Variants in CFAP47 observed in about 807,000 individuals in gnomAD.
CFAP47 encodes the protein cilia and flagella associated protein 47.
A neutral mutation model predicts 148.1 loss-of-function variants in CFAP47; 29 were observed. The observed-to-expected ratio is 0.20, with a 90% CI of 0.15 to 0.27. The LOEUF (loss-of-function observed/expected upper bound fraction) is 0.27, where lower values mean the gene tolerates loss of function less well. Ranked by LOEUF, CFAP47 falls within the 10% of genes least tolerant of loss-of-function variation. The pLI is 1.00. For missense variants in CFAP47, 1,872 were observed against 1,697.5 expected (o/e 1.10, Z -1.81); for synonymous variants, 664 against 577.3 (o/e 1.15, Z -2.15).
Position 35,929,386 on chromosome X carries a change from A to G in CFAP47, c.401+3218A>G, listed in dbSNP as rs770239728. 2.2e-4 allele frequency among the ~76,000 whole-genome samples: 25 copies of G among 112,198 alleles called. No homozygotes were observed. In the South Asian group the frequency reaches 8.9e-3, roughly 40 times the overall value. ...ATTCTCTACATGTGTTGTTAAGTGTATAACTATTTCATTTTCTTTGGAGTG... is the reference window on the plus strand; with the variant it reads ...ATTCTCTACATGTGTTGTTAAGTGTGTAACTATTTCATTTTCTTTGGAGTG... On this transcript the variant is annotated intron_variant, in intron 2 of 63. Transcript: ENST00000378653.
At chrX:36,316,074 C>G (rs1941431207) in intron 56 of CFAP47, among the ~76,000 whole-genome samples, 1 of 112,172 alleles carries the variant, frequency 8.9e-6, no homozygotes, top group African/African-American at 3.2e-5. Context: ...CCCAACTCTG[C>G]AAAGCCAGGT....
chrX:36,246,774 T>C (rs1213847250), intron 48 of CFAP47, among the ~76,000 whole-genome samples: 1 of 111,495 alleles, frequency 9.0e-6, no homozygotes, highest in East Asian at 2.8e-4. Flanking sequence ...AGTCAAATAA[T>C]AACAGATGTT....
intron 33 of CFAP47, among the ~76,000 whole-genome samples, chrX:36,123,600 C>A (rs1227734263): frequency 9.0e-6 from 1 of 111,199 alleles, no homozygotes; most frequent in Non-Finnish European, 1.9e-5. Flanking sequence ...ACTGCCAGAC[C>A]ACTGATGTTT....
rs1426372033 is a variant in CFAP47 at position 36,200,505 on chromosome X, A to C, written c.6436+12A>C. 3.4e-6 allele frequency: 1 copy of C among 294,029 alleles called. No individual in the cohort carries two copies. Among genetic ancestry groups the C allele is most frequent in the Non-Finnish European group, 5.9e-6 (1 of 168,807 alleles). The allele number at this position is 294,029 out of a possible 1,213,427, so 24.2% of individuals were successfully genotyped here. On this transcript the variant is annotated intron_variant, in intron 43 of 63. Transcript: ENST00000378653. ...TACTCGAGAAGAAGGTAGAGTACAC[A>C]TGTGTTTTATTTCATTTATAATGTT...
rs771939978 is a variant in CFAP47, at chrX:36,022,369, C to T, written c.3556+7457C>T. On this transcript the variant is annotated intron_variant, in intron 22 of 63. Transcript: ENST00000378653. Reference sequence around the variant, plus strand: ...TAGACATGTTGGAGCTCCTATGTATCTTATTTGTTTCTTCTCTTTTGTCTG... The same window carrying T: ...TAGACATGTTGGAGCTCCTATGTATTTTATTTGTTTCTTCTCTTTTGTCTG... Among the ~76,000 whole-genome samples, 11 of 111,574 alleles carry T rather than the reference C, an allele frequency of 9.9e-5. No individual in the cohort carries two copies. In the South Asian group the frequency reaches 4.1e-3, roughly 42 times the overall value.
rs754790663 is a variant in CFAP47, at chrX:36,174,051, G to C, written c.6027-5294G>C. 4.6e-5 allele frequency among the ~76,000 whole-genome samples: 5 copies of C among 108,881 alleles called. No individual in the cohort carries two copies. The South Asian group carries it at 2.1e-3, about 46-fold the overall frequency. The allele number at this position is 108,881 out of a possible 115,157, so 94.6% of individuals were successfully genotyped here. A position where few individuals can be genotyped will look rare whatever the true frequency, so the allele number is the denominator to read the frequency against. On this transcript the variant is annotated intron_variant, in intron 39 of 63. Transcript: ENST00000378653. ...GTTGAATTGATCCCTTTACCATTAT[G>C]TAATGGCCTTCTTTGTCTCTTTTGA... is the stretch of plus-strand genomic sequence containing the variant.
At chrX:36,155,981 A>T (rs1939362069) in intron 37 of CFAP47, among the ~76,000 whole-genome samples, 1 of 111,566 alleles carries the variant, frequency 9.0e-6, no homozygotes, top group African/African-American at 3.2e-5. Context: ...AAACTGAAAA[A>T]GAAGTGCCTG....
chrX:36,299,483 T>C (rs1832304830), intron 52 of CFAP47, among the ~76,000 whole-genome samples: 1 of 112,026 alleles, frequency 8.9e-6, no homozygotes, highest in Non-Finnish European at 1.9e-5. Flanking sequence ...AAACTTTCAA[T>C]TTTCTTGAGG....
At chrX:36,083,814 A>G (rs1289133868) in intron 29 of CFAP47, among the ~76,000 whole-genome samples, 2 of 111,399 alleles carry the variant, frequency 1.8e-5, no homozygotes, top group East Asian at 5.6e-4. Flanking sequence ...TAGTTAAACT[A>G]TATATAGGCA....
At chrX:36,128,110 G>T (rs750701933) in intron 33 of CFAP47, among the ~76,000 whole-genome samples, 1 of 110,710 alleles carries the variant, frequency 9.0e-6, no homozygotes, top group African/African-American at 3.3e-5. Context: ...GATTTCCCTG[G>T]CCAGAACTTC....
At chrX:36,090,866 T>C (rs1938172451) in intron 30 of CFAP47, among the ~76,000 whole-genome samples, 1 of 111,920 alleles carries the variant, frequency 8.9e-6, no homozygotes, top group African/African-American at 3.2e-5. Flanking sequence ...TAGGATTTTT[T>C]AAGAAACAAA....
At chrX:35,953,136 A>G (rs1322881863) in intron 6 of CFAP47, among the ~76,000 whole-genome samples, 1 of 112,184 alleles carries the variant, frequency 8.9e-6, no homozygotes. Flanking sequence ...TCTCCAAATT[A>G]CTTGTCCACA....
At chrX:36,346,119 C>A (rs1205298648) in intron 57 of CFAP47, among the ~76,000 whole-genome samples, 1 of 111,874 alleles carries the variant, frequency 8.9e-6, no homozygotes, top group African/African-American at 3.2e-5. Flanking sequence ...GAAACCCTCA[C>A]TGATACAAAT....
At chrX:36,007,234 C>A (rs1338304725) in intron 21 of CFAP47, among the ~76,000 whole-genome samples, 2 of 112,029 alleles carry the variant, frequency 1.8e-5, no homozygotes, top group East Asian at 5.6e-4. Flanking sequence ...ATATGCAGAA[C>A]CTTGGGTAAA....
intron 37 of CFAP47, among the ~76,000 whole-genome samples, chrX:36,155,711 G>T (rs182585944): frequency 9.0e-6 from 1 of 110,894 alleles, no homozygotes; most frequent in Non-Finnish European, 1.9e-5. Flanking sequence ...TGAAAAATGT[G>T]GATAAGGCTA....
rs186993435 is a variant in CFAP47, at chrX:36,196,402, G to A, written c.6322-3977G>A. Among the ~76,000 whole-genome samples the A allele has an allele frequency of 5.0e-3, 555 of 110,938 alleles. 1 individual carries two copies. Among genetic ancestry groups the A allele is most frequent in the African/African-American group, 0.017 (526 of 30,622 alleles). On this transcript the variant is annotated intron_variant, in intron 42 of 63. Coordinates refer to ENST00000378653, the MANE Select transcript of CFAP47 (RefSeq NM_001304548.2). ...ATAAATCACAAAACGGGAAAGATCC[G>A]AACCCAAAATAAGAGAATAAATACG...
intron 39 of CFAP47, among the ~76,000 whole-genome samples, chrX:36,177,256 A>G (rs1939695644): frequency 8.9e-6 from 1 of 112,285 alleles, no homozygotes; most frequent in East Asian, 2.8e-4. Flanking sequence ...TTGTCTCAAA[A>G]TGGTGTATGT....
intron 45 of CFAP47, among the ~76,000 whole-genome samples, chrX:36,218,636 G>A (rs1246619329): frequency 9.0e-6 from 1 of 111,694 alleles, no homozygotes; most frequent in Non-Finnish European, 1.9e-5. Context: ...TATTTAAAGA[G>A]GTTTATTCTG....
intron 22 of CFAP47, among the ~76,000 whole-genome samples, chrX:36,019,727 G>T (rs1005003070): frequency 1.8e-5 from 2 of 111,761 alleles, no homozygotes; most frequent in African/African-American, 6.5e-5. Context: ...GTATATAGTT[G>T]CTCATAGTAG....
Sources: allele counts gnomAD v4.1 joint callset (sites outside exome capture counted in the v4.1 genomes callset), GRCh38; gene constraint gnomAD v4.1.1; transcripts MANE v1.5; gene names NCBI Gene and HGNC (gene_info 2026-07-23, HGNC 2026-07-21).